Variants in ABHD18 observed in about 807,000 individuals in gnomAD.
ABHD18 encodes abhydrolase domain containing 18.
A neutral mutation model predicts 65.9 loss-of-function variants in ABHD18; 55 were observed. The observed-to-expected ratio is 0.84, with a 90% CI of 0.67 to 1.05. The LOEUF (loss-of-function observed/expected upper bound fraction) is 1.05, where lower values mean the gene tolerates loss of function less well. Among genes scored for constraint, ABHD18 ranks in the 50% least tolerant of loss-of-function variants. ABHD18 has a pLI of 0.00. For missense variants in ABHD18, 533 were observed against 558.5 expected (o/e 0.95, Z 0.46); for synonymous variants, 181 against 180.2 (o/e 1.00, Z -0.04).
At chr4:128,004,387 G>T (rs1469402996) in intron 4 of ABHD18, among the ~76,000 whole-genome samples, 1 of 151,974 alleles carries the variant, frequency 6.6e-6, no homozygotes. Flanking sequence ...GGGAAGCAGA[G>T]GTTGCAGTGA....
chr4:127,999,072 AT>A (rs1347420021), intron 4 of ABHD18, among the ~76,000 whole-genome samples: 10 of 151,322 alleles, frequency 6.6e-5, no homozygotes, highest in African/African-American at 2.4e-4. Context: ...ATATATATAT[AT>A]TTTTAAAAAA....
chr4:128,026,414 G>T (rs889262795), intron 10 of ABHD18, among the ~76,000 whole-genome samples: 1 of 150,368 alleles, frequency 6.7e-6, no homozygotes, highest in African/African-American at 2.5e-5. Context: ...AGCTGAAATC[G>T]TGCCATTGCA....
chr4:128,010,765 A>G (rs1014941175), intron 6 of ABHD18, among the ~76,000 whole-genome samples: 1 of 151,840 alleles, frequency 6.6e-6, no homozygotes, highest in Non-Finnish European at 1.5e-5. Flanking sequence ...AAATACAAAA[A>G]TTAGCCAGGC....
rs192406327 is a variant in ABHD18 at position 128,002,506 on chromosome 4, C to T, written c.279-6414C>T. Among the ~76,000 whole-genome samples, 23 of 151,670 alleles carry T rather than the reference C, an allele frequency of 1.5e-4. No individual in the cohort carries two copies. In the East Asian group the frequency reaches 3.7e-3, roughly 25 times the overall value. ...TGTTGGCCAGGCTGGTCTTGAATTC[C>T]TGGCCTCAGGTGATCTCCCTGCCTT... is the stretch of plus-strand genomic sequence containing the variant. On this transcript the variant is annotated intron_variant, in intron 4 of 12. Transcript: ENST00000645843.
rs1758963690 is a variant in ABHD18, at chr4:128,037,227, C to A, written c.*1414C>A. ...AGGAGAATTGCTTGAACCCGGGAGG[C>A]AGAAGTTGCAGTGAGCGGAGATCGC... On this transcript the variant is annotated 3_prime_UTR_variant, in exon 13 of 13. Transcript: ENST00000645843. 1 of 151,732 alleles carries A rather than the reference C, an allele frequency of 6.6e-6. No individual in the cohort carries two copies. Among genetic ancestry groups the A allele is most frequent in the African/African-American group, 2.4e-5 (1 of 41,238 alleles). The allele number at this position is 151,732 out of a possible 1,614,324, so 9.4% of individuals were successfully genotyped here. A position where few individuals can be genotyped will look rare whatever the true frequency, so the allele number is the denominator to read the frequency against.
intron 1 of ABHD18, among the ~76,000 whole-genome samples, chr4:127,977,246 G>T (rs1370132530): frequency 2.6e-5 from 4 of 152,074 alleles, no homozygotes; most frequent in Non-Finnish European, 5.9e-5. Context: ...GCTGAGGCAG[G>T]TGGATCACCT....
intron 3 of ABHD18, among the ~76,000 whole-genome samples, chr4:127,985,378 CAT>C (rs138335795): frequency 0.029 from 4,432 of 152,140 alleles, 198 homozygotes; most frequent in African/African-American, 0.1. Context: ...ACTTGCATCT[CAT>C]ATGTTTTGGA....
chr4:127,967,070 C>T (rs886609519), intron 1 of ABHD18, among the ~76,000 whole-genome samples: 8 of 151,914 alleles, frequency 5.3e-5, no homozygotes, highest in Non-Finnish European at 1.0e-4. Context: ...ATTTTCTTGC[C>T]ATAATGTCGC....
chr4:127,976,496 A>G (rs935662401), intron 1 of ABHD18, among the ~76,000 whole-genome samples: 10 of 152,224 alleles, frequency 6.6e-5, no homozygotes, highest in Non-Finnish European at 1.0e-4. Context: ...TATCTGAAAT[A>G]CCTACATAAT....
chr4:128,000,124 A>G (rs543979946), intron 4 of ABHD18, among the ~76,000 whole-genome samples: 1 of 152,052 alleles, frequency 6.6e-6, no homozygotes, highest in South Asian at 2.1e-4. Flanking sequence ...TGATTCAACT[A>G]CCTCCCACCA....
At chr4:128,002,469 G>A (rs1210262386) in intron 4 of ABHD18, among the ~76,000 whole-genome samples, 2 of 150,884 alleles carry the variant, frequency 1.3e-5, no homozygotes, top group East Asian at 2.0e-4. Context: ...TAGTAGAGAC[G>A]GGGTTGTGCC....
intron 4 of ABHD18, among the ~76,000 whole-genome samples, chr4:128,002,800 C>T (rs1454881771): frequency 7.3e-5 from 11 of 151,494 alleles, no homozygotes; most frequent in Middle Eastern, 3.5e-3. Flanking sequence ...GGTGCCACCA[C>T]GCCTGGCTAA....
rs1472277332 is a variant in ABHD18 at position 128,038,277 on chromosome 4, T to G, written c.*2464T>G. 6.6e-6 allele frequency: 1 copy of G among 152,220 alleles called. No homozygotes were observed. The highest frequency in any genetic ancestry group is 2.4e-5 in the African/African-American group (1 of 41,476). 9.4% of individuals were successfully genotyped at this position (152,220 alleles called of 1,614,324 possible). On this transcript the variant is annotated 3_prime_UTR_variant, in exon 13 of 13. Transcript: ENST00000645843. ...GAACCTTTAGTTTTAACCAAAAGTA[T>G]AACATCTACTAAAGTTCTTCCACAA...
chr4:127,992,061 T>C (rs1751010066), intron 4 of ABHD18, among the ~76,000 whole-genome samples: 2 of 152,318 alleles, frequency 1.3e-5, no homozygotes, highest in Non-Finnish European at 2.9e-5. Flanking sequence ...TAAACAGATC[T>C]GGAATTGAAC....
intron 3 of ABHD18, among the ~76,000 whole-genome samples, chr4:127,986,151 T>C (rs1449356250): frequency 1.3e-5 from 2 of 152,230 alleles, no homozygotes; most frequent in Non-Finnish European, 2.9e-5. Flanking sequence ...AAAGAAACCC[T>C]GTATCCATTA....
At chr4:128,030,954 GA>G in intron 12 of ABHD18, 1 of 1,099,502 alleles carries the variant, frequency 9.1e-7, no homozygotes, top group Non-Finnish European at 1.1e-6. Context: ...TAGGATGTGA[GA>G]AGGAAGATCA....
chr4:127,979,553 T>TCAAAA (rs896929005), intron 1 of ABHD18, among the ~76,000 whole-genome samples: 1 of 151,768 alleles, frequency 6.6e-6, no homozygotes, highest in African/African-American at 2.4e-5. Flanking sequence ...AGACTCTGTC[T>TCAAAA]CAAAACAAAA....
At chr4:127,976,417 T>G (rs192936569) in intron 1 of ABHD18, among the ~76,000 whole-genome samples, 4 of 152,338 alleles carry the variant, frequency 2.6e-5, no homozygotes, top group Admixed American at 2.6e-4. Context: ...ACTCAGTTAT[T>G]TTTATGACAT....
At chr4:127,995,395 A>G (rs914269499) in intron 4 of ABHD18, among the ~76,000 whole-genome samples, 3 of 152,228 alleles carry the variant, frequency 2.0e-5, no homozygotes, top group African/African-American at 7.2e-5. Context: ...TTAAAATAAC[A>G]AAATGTAGAT....
Sources: allele counts gnomAD v4.1 joint callset (sites outside exome capture counted in the v4.1 genomes callset), GRCh38; gene constraint gnomAD v4.1.1; transcripts MANE v1.5; gene names NCBI Gene and HGNC (gene_info 2026-07-23, HGNC 2026-07-21).